FOXRED2: variants seen among roughly 807,000 people sequenced by gnomAD.
FOXRED2 encodes the protein FAD dependent oxidoreductase domain containing 2, also known as FAD-dependent oxidoreductase domain-containing protein 2.
A neutral mutation model predicts 52.5 loss-of-function variants in FOXRED2; 32 were observed. That is an observed-to-expected ratio of 0.61 (90% CI 0.46 to 0.82). FOXRED2 has a LOEUF of 0.82. Among genes scored for constraint, FOXRED2 ranks in the 40% least tolerant of loss-of-function variants. The pLI is 0.00. For synonymous variants in FOXRED2, 405 were observed against 398.1 expected, an observed-to-expected ratio of 1.02 and a Z score of -0.21; for missense variants, 848 against 937.5, an observed-to-expected ratio of 0.90 and a Z score of 1.25.
At chr22:36,503,963 G>T in intron 4 of FOXRED2, 135 bp downstream of exon 4, 1 of 1,002,408 alleles carries the variant, frequency 1.0e-6, no homozygotes, top group Non-Finnish European at 1.5e-6. Context: ...GGGAAATCAG[G>T]CAGCACTCAC....
rs148895917 is a variant in FOXRED2 at position 36,502,754 on chromosome 22, G to A, written c.1049+1344C>T. On this transcript the variant is annotated intron_variant, in intron 4 of 8. Transcript: ENST00000397224. ...CGCCTGGGCTGGAGTCCACAATGGC[G>A]CGATCTCGGCTCACTGCAACCTCCA... is the stretch of plus-strand genomic sequence containing the variant. 7.2e-5 allele frequency among the ~76,000 whole-genome samples: 11 copies of A among 152,128 alleles called. No individual in the cohort carries two copies. In the East Asian group the frequency reaches 1.4e-3, roughly 19 times the overall value.
Position 36,488,979 on chromosome 22 carries a change from C to T in FOXRED2, c.*1029G>A, listed in dbSNP as rs3747163. The stretch of plus-strand genomic sequence containing the variant: ...TATGCACTTACAAATGAGACTAAGA[C>T]GCCTGATGGGAAAGTGCAGATTGCT... On this transcript the variant is annotated 3_prime_UTR_variant, in exon 9 of 9. Coordinates refer to ENST00000397224, the MANE Select transcript of FOXRED2 (RefSeq NM_001102371.2). The T allele has an allele frequency of 0.1, 15,509 of 152,230 alleles. 831 individuals carry two copies. Among genetic ancestry groups the T allele is most frequent in the East Asian group, 0.15 (796 of 5,182 alleles). The allele number at this position is 152,230 out of a possible 1,614,324, so 9.4% of individuals were successfully genotyped here. A position where few individuals can be genotyped will look rare whatever the true frequency, so the allele number is the denominator to read the frequency against.
intron 5 of FOXRED2, among the ~76,000 whole-genome samples, chr22:36,500,530 T>C (rs1244858358): frequency 1.3e-5 from 2 of 152,194 alleles, no homozygotes; most frequent in Non-Finnish European, 2.9e-5. Context: ...TGGCAGAAAA[T>C]TTATACCCTT....
At chr22:36,498,446 C>A in intron 5 of FOXRED2, 1 of 336,134 alleles carries the variant, frequency 3.0e-6, no homozygotes, top group South Asian at 5.6e-5. Context: ...TAAAAGCGGC[C>A]AAGACAACAG....
intron 2 of FOXRED2, among the ~76,000 whole-genome samples, 179 bp downstream of exon 2, chr22:36,505,717 G>A (rs1012322643): frequency 3.3e-5 from 5 of 152,086 alleles, no homozygotes; most frequent in African/African-American, 1.2e-4. Context: ...GTTGCAGTGA[G>A]CTGACCTCGT....
intron 5 of FOXRED2, among the ~76,000 whole-genome samples, chr22:36,500,958 T>C (rs1025849722): frequency 3.3e-5 from 5 of 151,806 alleles, no homozygotes; most frequent in African/African-American, 4.8e-5. Flanking sequence ...GGTATCATCA[T>C]GGCTCACTGC....
Position 36,489,244 on chromosome 22 carries a change from CAG to C in FOXRED2, c.*762_*763del, listed in dbSNP as rs1933683019. ...GAGAAGAGCCAGCTGGAAGATGAGT[CAG>C]GGGGTGCAACTGGGGAGAGCAGCTC... On this transcript the variant is annotated 3_prime_UTR_variant, in exon 9 of 9. Coordinates refer to ENST00000397224, the MANE Select transcript of FOXRED2 (RefSeq NM_001102371.2). The C allele has an allele frequency of 1.3e-5, 2 of 152,474 alleles. No individual in the cohort carries two copies. The highest frequency in any genetic ancestry group is 4.8e-5 in the African/African-American group (2 of 41,538). 9.4% of individuals were successfully genotyped at this position (152,474 alleles called of 1,614,324 possible).
Position 36,490,053 on chromosome 22 carries a change from T to G in FOXRED2, c.2010A>C (p.Pro670=), listed in dbSNP as rs781009195. Residue 670 remains proline, a synonymous_variant, in exon 9 of 9, where the codon CCA becomes CCC. Transcript: ENST00000397224. ...TATCGACGGACTGAGCCAGAGGCCC[T>G]GGAGCCAGGGGGGAACCTAGTGGCT... is the stretch of plus-strand genomic sequence containing the variant. ...DQEPLGSPLA[P]GPLAQSVDSN... is the part of the protein sequence containing the mutation. 5 of 1,610,562 alleles carry G rather than the reference T, an allele frequency of 3.1e-6. No individual in the cohort carries two copies. The highest frequency in any genetic ancestry group is 4.2e-6 in the Non-Finnish European group (5 of 1,177,594).
At chr22:36,499,542 C>T (rs894522076) in intron 5 of FOXRED2, among the ~76,000 whole-genome samples, 1 of 152,108 alleles carries the variant, frequency 6.6e-6, no homozygotes, top group Non-Finnish European at 1.5e-5. Flanking sequence ...GGGAGGATGG[C>T]TTGAGTCTGG....
rs1459437549 is a variant in FOXRED2, at chr22:36,504,672, G to A, written c.622C>T (p.Pro208Ser). The change falls in exon 3 of 9, where the codon CCT (proline) becomes TCT (serine). Residue 208 changes from proline to serine, a missense_variant. Physicochemically the swap from Pro to Ser is moderately conservative, Grantham distance 74 (BLOSUM62 -1). Coordinates refer to ENST00000397224, the MANE Select transcript of FOXRED2 (RefSeq NM_001102371.2). ...AEGYESVSVD[P>S]EDFVGQNVLI... ...ACATTCTGGCCTACAAAGTCCTCAG[G>A]GTCCACGGACACGGACTCGTAACCC... The A allele has an allele frequency of 1.2e-6, 2 of 1,614,024 alleles. No individual in the cohort carries two copies. Among genetic ancestry groups the A allele is most frequent in the Admixed American group, 1.7e-5 (1 of 59,976 alleles).
chr22:36,495,880 G>A, intron 7 of FOXRED2, 87 bp downstream of exon 7: 2 of 1,452,752 alleles, frequency 1.4e-6, no homozygotes, highest in African/African-American at 1.4e-5. Flanking sequence ...CTGAGCATGT[G>A]TGTGAAGGTT....
intron 8 of FOXRED2, among the ~76,000 whole-genome samples, chr22:36,491,781 G>T (rs1933763062): frequency 6.6e-6 from 1 of 152,124 alleles, no homozygotes; most frequent in African/African-American, 2.4e-5. Flanking sequence ...TACAGTCTCA[G>T]GTATTTCTTT....
At chr22:36,506,522 T>A in intron 1 of FOXRED2, 99 bp from the exon 2 acceptor site, 1 of 1,200,020 alleles carries the variant, frequency 8.3e-7, no homozygotes, top group Non-Finnish European at 1.1e-6. Context: ...CTCACTGCAA[T>A]CTGGGTCACG....
Position 36,496,012 on chromosome 22 carries a change from T to A in FOXRED2, c.1579A>T (p.Asn527Tyr). 6.2e-7 allele frequency: 1 copy of A among 1,614,190 alleles called. No individual in the cohort carries two copies. The highest frequency in any genetic ancestry group is 8.5e-7 in the Non-Finnish European group (1 of 1,180,020). The change falls in exon 7 of 9, where the codon AAC becomes TAC. Residue 527 changes from asparagine (N) to tyrosine (Y), a missense_variant. Transcript: ENST00000397224. Reference sequence around the variant, plus strand: ...TAGTAGATGACAGGATGAAGAAAGTTAGACTGCCAGGCATCTTCTGTGTGC... The same window carrying A: ...TAGTAGATGACAGGATGAAGAAAGTAAGACTGCCAGGCATCTTCTGTGTGC... Reference protein sequence around the residue: ...VGHTEDAWQSNFLHPVIYYYR... With the variant: ...VGHTEDAWQSYFLHPVIYYYR...
At chr22:36,492,428 A>G (rs1933780329) in intron 8 of FOXRED2, among the ~76,000 whole-genome samples, 1 of 152,204 alleles carries the variant, frequency 6.6e-6, no homozygotes, top group Non-Finnish European at 1.5e-5. Context: ...AAAGTGGGAG[A>G]CAGGAGGCTA....
chr22:36,504,766 G>T lies in FOXRED2; in HGVS notation c.528C>A (p.Ser176Arg), dbSNP rs756611081. Residue 176 changes from serine (S) to arginine (R), a missense_variant and splice_region_variant, in exon 3 of 9, where the codon AGC becomes AGA. Ser to Arg is a moderately radical substitution (Grantham distance 110). Transcript: ENST00000397224. ...TDQKGQVHQC[S>R]VLFVATGLSV... ...ATAAACCAGTGGCTACAAAGAGGAC[G>T]CTGCAGGCGGGGACAGAGGAAAGAT... 1.9e-6 allele frequency: 3 copies of T among 1,613,960 alleles called. No individual in the cohort carries two copies. The East Asian group carries it at 6.7e-5, about 36-fold the overall frequency.
At chr22:36,504,035 T>C in intron 4 of FOXRED2, 63 bp downstream of exon 4, 1 of 1,543,842 alleles carries the variant, frequency 6.5e-7, no homozygotes, top group Non-Finnish European at 8.8e-7. Context: ...GCCACCCTGT[T>C]CCCCTAGGGA....
Position 36,504,101 on chromosome 22 carries a change from T to C in FOXRED2, c.1046A>G (p.Asn349Ser), listed in dbSNP as rs749265091. Residue 349 changes from asparagine (N) to serine (S), a missense_variant, in exon 4 of 9, where the codon AAT becomes AGT. By Grantham distance (46) the Asn-to-Ser change is conservative. Transcript: ENST00000397224. ...LGWNFDFSIF[N>S]KSLRLNSGNA... is the part of the protein sequence containing the mutation. The stretch of plus-strand genomic sequence containing the variant: ...CCTCCTTCCGCATGGAACTCACTTA[T>C]TGAAAATGGAGAAGTCAAAGTTCCA... 1.3e-5 allele frequency: 21 copies of C among 1,613,824 alleles called. No individual in the cohort carries two copies. Among genetic ancestry groups the C allele is most frequent in the East Asian group, 6.7e-5 (3 of 44,878 alleles).
intron 7 of FOXRED2, among the ~76,000 whole-genome samples, chr22:36,495,016 C>T (rs1414938399): frequency 6.6e-6 from 1 of 152,166 alleles, no homozygotes; most frequent in Non-Finnish European, 1.5e-5. Flanking sequence ...ACAATCTCGG[C>T]TCACTGCAAC....
Sources: gnomAD v4.1 joint callset for allele counts (sites outside exome capture counted in the v4.1 genomes callset) on GRCh38, gnomAD v4.1.1 for gene constraint, MANE v1.5 for transcripts, NCBI Gene and HGNC (gene_info 2026-07-23, HGNC 2026-07-21) for gene names.